The following RUVBL1 variants were observed in gnomAD, a reference collection of about 807,000 sequenced individuals.
The protein encoded by RUVBL1 is RuvB like AAA ATPase 1.
RUVBL1 carries 4 observed loss-of-function variants against 52.4 expected under a neutral mutation model. That is an observed-to-expected ratio of 0.08 (90% CI 0.04 to 0.17). The LOEUF (loss-of-function observed/expected upper bound fraction) is 0.17, where lower values mean the gene tolerates loss of function less well. Among genes scored for constraint, RUVBL1 ranks in the 10% least tolerant of loss-of-function variants. The pLI, the probability that RUVBL1 is intolerant of heterozygous loss-of-function variation, is 1.00. For missense variants in RUVBL1, 298 were observed against 572.8 expected (o/e 0.52, Z 4.90); for synonymous variants, 217 against 214.4 (o/e 1.01, Z -0.10).
At chr3:128,140,560 A>G (rs547164793) in intron 1 of RUVBL1, among the ~76,000 whole-genome samples, 2 of 152,250 alleles carry the variant, frequency 1.3e-5, no homozygotes, top group African/African-American at 4.8e-5. Flanking sequence ...ACTAACATTG[A>G]TTTATATAGT....
At chr3:128,124,285 C>G (rs1180248286), upstream of RUVBL1, among the ~76,000 whole-genome samples, 1 of 151,894 alleles carries the variant, frequency 6.6e-6, no homozygotes, top group Non-Finnish European at 1.5e-5. Flanking sequence ...ATTGTCTTCC[C>G]CTGCTTCTAT....
At chr3:128,150,451 T>C (rs1944168611) in intron 1 of RUVBL1, among the ~76,000 whole-genome samples, 1 of 149,826 alleles carries the variant, frequency 6.7e-6, no homozygotes, top group Non-Finnish European at 1.5e-5. Context: ...CATATATGTA[T>C]ATATATTCCA....
chr3:128,116,528 C>CA (rs56800760), intron 2 of RUVBL1, among the ~76,000 whole-genome samples: 19,698 of 99,048 alleles, frequency 0.2, 1,488 homozygotes, highest in African/African-American at 0.28. Context: ...GACTTCATCT[C>CA]AAAAAAAAAA....
rs1341020047 is a variant in RUVBL1 at position 128,151,111 on chromosome 3, GTATATATTCTA to G, written c.-40+2081_-40+2091del. Among the ~76,000 whole-genome samples the G allele has an allele frequency of 5.8e-3, 616 of 106,504 alleles. 7 individuals are homozygous for G. The highest frequency in any genetic ancestry group is 0.015 in the South Asian group (58 of 3,756). 69.9% of individuals were successfully genotyped at this position (106,504 alleles called of 152,430 possible). A position where few individuals can be genotyped will look rare whatever the true frequency, so the allele number is the denominator to read the frequency against. On this transcript the variant is annotated intron_variant, in intron 1 of 9. Transcript: ENST00000464873. ...TATCTATATATTCTATATATATTCT[GTATATATTCTA>G]TATATATTCTATATATATTCTATAT...
Position 128,097,368 on chromosome 3 carries a change from G to A in RUVBL1, c.948C>T (p.His316=). 3 of 1,614,186 alleles carry A rather than the reference G, an allele frequency of 1.9e-6. No individual in the cohort carries two copies. Among genetic ancestry groups the A allele is most frequent in the Non-Finnish European group, 2.5e-6 (3 of 1,180,046 alleles). The part of the protein sequence containing the change: ...MLDIECFTYL[H]RALESSIAPI... The stretch of plus-strand genomic sequence containing the variant: ...GAGCGATAGAAGACTCCAGGGCGCG[G>A]TGCAGGTAGGTGAAGCACTCAATGT... Residue 316 remains histidine (H), a synonymous_variant, in exon 8 of 11, where the codon CAC becomes CAT. Coordinates refer to ENST00000322623, the MANE Select transcript of RUVBL1 (RefSeq NM_003707.3).
At chr3:128,148,293 T>A (rs906996784) in intron 1 of RUVBL1, among the ~76,000 whole-genome samples, 1 of 152,090 alleles carries the variant, frequency 6.6e-6, no homozygotes, top group Admixed American at 6.5e-5. Flanking sequence ...ATGGTAGAGA[T>A]GTTCAGAGGG....
intron 8 of RUVBL1, among the ~76,000 whole-genome samples, chr3:128,094,872 A>G (rs1465372072): frequency 3.3e-5 from 5 of 152,180 alleles, no homozygotes; most frequent in Admixed American, 3.3e-4. Context: ...ATTGTTGGCT[A>G]TTACTTTTTT....
intron 9 of RUVBL1, among the ~76,000 whole-genome samples, chr3:128,072,633 A>G (rs1942198655): frequency 6.6e-6 from 1 of 152,170 alleles, no homozygotes; most frequent in Non-Finnish European, 1.5e-5. Flanking sequence ...CCTGGACAGG[A>G]GCACAGCACG....
At chr3:128,084,706 T>G (rs1316704714) in intron 9 of RUVBL1, 1 of 152,244 alleles carries the variant, frequency 6.6e-6, no homozygotes, top group Non-Finnish European at 1.5e-5. Flanking sequence ...TTTAATAACC[T>G]GCAGGGATAG....
At position 128,081,253 on chromosome 3, in the gene RUVBL1, C is replaced by G. The variant is rs1942465887; in HGVS notation, c.1368G>C (p.Lys456Asn). ...ILADQQDKYM[K>N] ...ACTGCTGAAAACCTCAGCCATCTCACTTCATGTACTTATCCTGCTGGTCAG... is the reference window on the plus strand; with the variant it reads ...ACTGCTGAAAACCTCAGCCATCTCAGTTCATGTACTTATCCTGCTGGTCAG... The change falls in exon 11 of 11, where the codon AAG (lysine) becomes AAC (asparagine). Residue 456 changes from lysine to asparagine, a missense_variant. Coordinates refer to ENST00000322623, the MANE Select transcript of RUVBL1 (RefSeq NM_003707.3). The surrounding 1 kb of genome is among the most constrained non-coding windows in gnomAD (Gnocchi z 4.8). The G allele has an allele frequency of 6.2e-7, 1 of 1,613,650 alleles. No individual in the cohort carries two copies. The highest frequency in any genetic ancestry group is 8.5e-7 in the Non-Finnish European group (1 of 1,179,742).
chr3:128,069,095 T>C (rs1352109380), intron 9 of RUVBL1, among the ~76,000 whole-genome samples: 1 of 152,174 alleles, frequency 6.6e-6, no homozygotes, highest in Admixed American at 6.5e-5. Flanking sequence ...GAAGTCACAT[T>C]AAAAAAGTAA....
chr3:128,092,673 G>C (rs947604807), intron 8 of RUVBL1, among the ~76,000 whole-genome samples: 5 of 152,136 alleles, frequency 3.3e-5, no homozygotes, highest in African/African-American at 1.2e-4. Context: ...TTACCCACTA[G>C]AATATCTATA....
intron 8 of RUVBL1, among the ~76,000 whole-genome samples, chr3:128,094,289 T>A (rs746773323): frequency 2.6e-5 from 4 of 151,844 alleles, no homozygotes; most frequent in Non-Finnish European, 5.9e-5. Context: ...CATCAGAGAG[T>A]GGGCTCACTT....
chr3:128,150,841 A>C (rs1412106352), intron 1 of RUVBL1, among the ~76,000 whole-genome samples: 96 of 80,130 alleles, frequency 1.2e-3, no homozygotes, highest in African/African-American at 4.7e-3. Context: ...TATATATTCT[A>C]TATATATTCT....
exon 1 of RUVBL1, chr3:128,153,259 G>A: frequency 1.5e-6 from 2 of 1,349,194 alleles, no homozygotes; most frequent in South Asian, 1.9e-5. Flanking sequence ...CGGGCTCCTA[G>A]AGGCTTCAGG....
At position 128,082,541 on chromosome 3, in the gene RUVBL1, T is replaced by G. The variant is rs1942510315; in HGVS notation, c.1153A>C (p.Asn385His). 1.2e-6 allele frequency: 2 copies of G among 1,613,726 alleles called. No homozygotes were observed. Among genetic ancestry groups the G allele is most frequent in the African/African-American group, 1.3e-5 (1 of 74,928 alleles). ...IKIRAQTEGI[N>H]ISEEALNHLG... ...TGGTTCAGTGCCTCCTCACTGATGT[T>G]GATTCCTTCCGTCTGGGCACGGATT... The change falls in exon 10 of 11, where the codon AAC (asparagine) becomes CAC (histidine). Residue 385 changes from asparagine (N) to histidine (H), a missense_variant. This residue lies in a region of RUVBL1 where 161 missense variants were observed against 298.3 expected (regional missense o/e 0.54). Coordinates refer to ENST00000322623, the MANE Select transcript of RUVBL1 (RefSeq NM_003707.3). This position sits in a 1 kb window ranked among gnomAD's most constrained non-coding sequence, Gnocchi z 4.7.
At position 128,069,428 on chromosome 3, in the gene RUVBL1, C is replaced by T. The variant is rs763581515; in HGVS notation, c.940-4208G>A. The stretch of plus-strand genomic sequence containing the variant: ...GTGAGCCTGTTGGCCGCCTGGCTCA[C>T]GGGGAGCTCTGTGGGTGTCCAGGAG... On this transcript the variant is annotated intron_variant, in intron 9 of 9. Coordinates refer to the RUVBL1 transcript ENST00000464873. 5 of 1,570,756 alleles carry T rather than the reference C, an allele frequency of 3.2e-6. No homozygotes were observed. In the South Asian group the frequency reaches 3.4e-5, roughly 11 times the overall value.
intron 1 of RUVBL1, among the ~76,000 whole-genome samples, chr3:128,121,192 T>A (rs141689110): frequency 0.023 from 3,461 of 151,492 alleles, 85 homozygotes; most frequent in African/African-American, 0.047. Context: ...ACCTCCCAGG[T>A]TCAAGTGATT....
intron 9 of RUVBL1, among the ~76,000 whole-genome samples, chr3:128,065,479 G>A (rs1380887777): frequency 1.3e-5 from 2 of 152,122 alleles, no homozygotes; most frequent in African/African-American, 2.4e-5. Flanking sequence ...ACTTGCTTCT[G>A]AGTAAGAGAC....
Sources: allele counts gnomAD v4.1 joint callset (sites outside exome capture counted in the v4.1 genomes callset), GRCh38; gene constraint gnomAD v4.1.1; regional missense constraint gnomAD v4.1.1; non-coding constraint Gnocchi (gnomAD v3.1); transcripts MANE v1.5; gene names NCBI Gene and HGNC (gene_info 2026-07-23, HGNC 2026-07-21).